Variants in ZBED4 observed in about 807,000 individuals in gnomAD.
The protein encoded by ZBED4 is zinc finger BED domain-containing protein 4.
Under a neutral mutation model 15.5 loss-of-function variants are expected in ZBED4, and 4 were observed. The observed-to-expected ratio is 0.26, with a 90% CI of 0.13 to 0.59. The LOEUF is 0.59. ZBED4 is among the 20% of genes least tolerant of loss of function. The probability of loss-of-function intolerance (pLI) is 0.90; values close to 1 mark genes in which losing one functional copy is unlikely to be tolerated. For missense variants in ZBED4, 1,323 were observed against 1,461.8 expected (o/e 0.91, Z 1.55); for synonymous variants, 692 against 608.5 (o/e 1.14, Z -2.02).
Position 49,884,086 on chromosome 22 carries a change from G to A in ZBED4, c.424G>A (p.Glu142Lys). 1.2e-6 allele frequency: 2 copies of A among 1,612,258 alleles called. No individual in the cohort carries two copies. Among genetic ancestry groups the A allele is most frequent in the Non-Finnish European group, 1.7e-6 (2 of 1,179,220 alleles). ...TKAICMYCVK[E>K]FSRGKNEKDL... ...AGCAATATGCATGTACTGTGTGAAG[G>A]AGTTCAGCAGAGGCAAAAACGAGAA... The change falls in exon 2 of 2, where the codon GAG (glutamate) becomes AAG (lysine). Residue 142 changes from glutamate (E) to lysine (K), a missense_variant. Physicochemically the swap from Glu to Lys is moderately conservative, Grantham distance 56 (BLOSUM62 1). Around this residue, in one of 6 missense-constraint regions of ZBED4, gnomAD observed 380 missense variants for 413.7 expected, o/e 0.92. Coordinates refer to ENST00000216268, the MANE Select transcript of ZBED4 (RefSeq NM_014838.3).
chr22:49,878,995 A>T (rs2060392903), intron 1 of ZBED4, among the ~76,000 whole-genome samples: 1 of 151,504 alleles, frequency 6.6e-6, no homozygotes, highest in Admixed American at 6.6e-5. Context: ...ATACAAAAAA[A>T]TTAGCCGGGT....
Position 49,887,016 on chromosome 22 carries a change from C to G in ZBED4, c.3354C>G (p.Ala1118=). 2 of 1,614,058 alleles carry G rather than the reference C, an allele frequency of 1.2e-6. No homozygotes were observed. Among genetic ancestry groups the G allele is most frequent in the Non-Finnish European group, 1.7e-6 (2 of 1,180,020 alleles). ...CCTGGCCGGGGCTGTCCGCGCTGGC[C>G]GTCAGATTTTTGGGCTGCCCCCCAA... is the stretch of plus-strand genomic sequence containing the variant. ...KASWPGLSAL[A]VRFLGCPPSI... Residue 1118 remains alanine (A), a synonymous_variant, in exon 2 of 2, where the codon GCC becomes GCG. Coordinates refer to ENST00000216268, the MANE Select transcript of ZBED4 (RefSeq NM_014838.3).
Position 49,883,604 on chromosome 22 carries a change from G to A in ZBED4, c.-59G>A. 6.8e-7 allele frequency: 1 copy of A among 1,467,118 alleles called. No individual in the cohort carries two copies. Among genetic ancestry groups the A allele is most frequent in the East Asian group, 2.3e-5 (1 of 43,480 alleles). The allele number at this position is 1,467,118 out of a possible 1,614,324, so 90.9% of individuals were successfully genotyped here. A position where few individuals can be genotyped will look rare whatever the true frequency, so the allele number is the denominator to read the frequency against. ...ATAATCTACATTCGGGGGCACAAAT[G>A]AGCACTTGGATCAGTGTTTTATGAA... On this transcript the variant is annotated 5_prime_UTR_variant, in exon 2 of 2. The change abolishes an upstream ATG in the 5' untranslated region. Transcript: ENST00000216268.
intron 1 of ZBED4, among the ~76,000 whole-genome samples, chr22:49,876,774 A>T (rs2060378328): frequency 6.6e-6 from 1 of 152,278 alleles, no homozygotes; most frequent in South Asian, 2.1e-4. Context: ...TTTGGAAACA[A>T]AAGACCTCGT....
chr22:49,855,348 A>G (rs1432434830), intron 1 of ZBED4, among the ~76,000 whole-genome samples: 3 of 152,156 alleles, frequency 2.0e-5, no homozygotes, highest in Non-Finnish European at 4.4e-5. Context: ...GGTCTCCCCC[A>G]ACACACACTC....
chr22:49,865,008 C>T (rs1454097585), intron 1 of ZBED4, among the ~76,000 whole-genome samples: 1 of 144,296 alleles, frequency 6.9e-6, no homozygotes, highest in Non-Finnish European at 1.5e-5. Flanking sequence ...CCCTGCAAAC[C>T]CTTATTCAGT....
intron 1 of ZBED4, among the ~76,000 whole-genome samples, chr22:49,870,861 C>A (rs2060343673): frequency 6.6e-6 from 1 of 151,946 alleles, no homozygotes; most frequent in African/African-American, 2.4e-5. Flanking sequence ...GTTTCTGTTA[C>A]AATCCACTCA....
intron 1 of ZBED4, among the ~76,000 whole-genome samples, chr22:49,857,406 G>GAACATTTCA (rs1198476860): frequency 6.6e-6 from 1 of 152,210 alleles, no homozygotes; most frequent in African/African-American, 2.4e-5. Context: ...GTGTGACCCA[G>GAACATTTCA]AACATTTCAG....
chr22:49,859,498 C>G (rs887710740), intron 1 of ZBED4, among the ~76,000 whole-genome samples: 1 of 152,110 alleles, frequency 6.6e-6, no homozygotes, highest in African/African-American at 2.4e-5. Flanking sequence ...GTGTCCCAGG[C>G]TCACGGTGAT....
chr22:49,873,523 A>T (rs1331057566), intron 1 of ZBED4, among the ~76,000 whole-genome samples: 1 of 152,232 alleles, frequency 6.6e-6, no homozygotes, highest in East Asian at 1.9e-4. Context: ...GATAATGGAA[A>T]AGTGTGAAAT....
At chr22:49,864,079 T>A (rs1754892484) in intron 1 of ZBED4, among the ~76,000 whole-genome samples, 1 of 152,224 alleles carries the variant, frequency 6.6e-6, no homozygotes, top group Non-Finnish European at 1.5e-5. Flanking sequence ...CTTGGAAGTT[T>A]CAAAACCACA....
chr22:49,868,039 G>T (rs2060329862), intron 1 of ZBED4, among the ~76,000 whole-genome samples: 1 of 152,200 alleles, frequency 6.6e-6, no homozygotes, highest in African/African-American at 2.4e-5. Flanking sequence ...AATGCCAGTG[G>T]CTTTCACACC....
In ZBED4 at chr22:49,888,643, T is replaced by C. The variant is rs2060452635; in HGVS notation, c.*1465T>C. ...TGGTGATGACTTTCCAGGTCTCGTG[T>C]TCAAGTGGTGCCAGAATGCAGGAGC... On this transcript the variant is annotated 3_prime_UTR_variant, in exon 2 of 2. Transcript: ENST00000216268. 6.0e-6 allele frequency: 1 copy of C among 167,274 alleles called. No individual in the cohort carries two copies. The highest frequency in any genetic ancestry group is 2.1e-4 in the South Asian group (1 of 4,830). The allele number at this position is 167,274 out of a possible 1,614,324, so 10.4% of individuals were successfully genotyped here.
chr22:49,883,744 G>A lies in ZBED4; in HGVS notation c.82G>A (p.Asp28Asn). ...DKIKFKIEEE[D>N]DDGIPPDSLE... ...AATAAAGTTTAAAATAGAAGAGGAA[G>A]ATGATGATGGAATTCCTCCTGATAG... Residue 28 changes from aspartate (D) to asparagine (N), a missense_variant, in exon 2 of 2, where the codon GAT becomes AAT. Physicochemically the swap from Asp to Asn is conservative, Grantham distance 23. Transcript: ENST00000216268. 1 of 1,612,450 alleles carries A rather than the reference G, an allele frequency of 6.2e-7. No individual in the cohort carries two copies. Among genetic ancestry groups the A allele is most frequent in the Non-Finnish European group, 8.5e-7 (1 of 1,178,836 alleles).
intron 1 of ZBED4, among the ~76,000 whole-genome samples, chr22:49,875,604 A>G (rs958756150): frequency 6.6e-6 from 1 of 151,762 alleles, no homozygotes; most frequent in East Asian, 1.9e-4. Flanking sequence ...TATTTTTAGT[A>G]GATACAGGGT....
intron 1 of ZBED4, among the ~76,000 whole-genome samples, chr22:49,859,603 G>A (rs2060288642): frequency 6.6e-6 from 1 of 152,190 alleles, no homozygotes; most frequent in African/African-American, 2.4e-5. Flanking sequence ...GGCCATAGAC[G>A]TAGTCATTGT....
Position 49,883,564 on chromosome 22 carries a change from G to T in ZBED4, c.-99G>T. On this transcript the variant is annotated 5_prime_UTR_variant, in exon 2 of 2. An upstream start codon of the reference 5' UTR is lost. Transcript: ENST00000216268. The stretch of plus-strand genomic sequence containing the variant: ...GAAACATCCTGAAAGATGGAATTAT[G>T]ACGAAAAAGTGAAGATAATCTACAT... 7.1e-7 allele frequency: 1 copy of T among 1,418,004 alleles called. No homozygotes were observed. The highest frequency in any genetic ancestry group is 1.5e-5 in the African/African-American group (1 of 68,098). 87.8% of individuals were successfully genotyped at this position (1,418,004 alleles called of 1,614,324 possible). A position where few individuals can be genotyped will look rare whatever the true frequency, so the allele number is the denominator to read the frequency against.
At position 49,888,326 on chromosome 22, in the gene ZBED4, AGTT is replaced by A. The variant is rs1274466509; in HGVS notation, c.*1152_*1154del. On this transcript the variant is annotated 3_prime_UTR_variant, in exon 2 of 2. Transcript: ENST00000216268. ...TCATTTGCCTACGACCTTTTAGAAA[AGTT>A]GTTTTGTTGAAATACTGTACGTACG... 3 of 167,018 alleles carry A rather than the reference AGTT, an allele frequency of 1.8e-5. No individual in the cohort carries two copies. Among genetic ancestry groups the A allele is most frequent in the South Asian group, 2.1e-4 (1 of 4,826 alleles). 10.3% of individuals were successfully genotyped at this position (167,018 alleles called of 1,614,324 possible).
chr22:49,870,611 CT>C (rs2060342134), intron 1 of ZBED4, among the ~76,000 whole-genome samples: 1 of 152,064 alleles, frequency 6.6e-6, no homozygotes, highest in African/African-American at 2.4e-5. Flanking sequence ...CTGTTGGCCA[CT>C]TTTATGTCTC....
Sources: allele counts gnomAD v4.1 joint callset (sites outside exome capture counted in the v4.1 genomes callset), GRCh38; gene constraint gnomAD v4.1.1; regional missense constraint gnomAD v4.1.1; transcripts MANE v1.5; gene names NCBI Gene and HGNC (gene_info 2026-07-23, HGNC 2026-07-21).